Variants in FMN1 observed in about 807,000 individuals in gnomAD.
FMN1 encodes the protein formin 1, also known as formin-1.
Under a neutral mutation model 132.4 loss-of-function variants are expected in FMN1, and 110 were observed. That is an observed-to-expected ratio of 0.83 (90% confidence interval 0.71 to 0.97). FMN1 has a LOEUF of 0.97. Ranked by LOEUF, FMN1 falls within the 50% of genes least tolerant of loss-of-function variation. The probability of loss-of-function intolerance (pLI) is 0.00; values close to 1 mark genes in which losing one functional copy is unlikely to be tolerated. For synonymous variants in FMN1, 722 were observed against 651.7 expected, an observed-to-expected ratio of 1.11 and a Z score of -1.64; for missense variants, 1,792 against 1,705.3, an observed-to-expected ratio of 1.05 and a Z score of -0.90.
At chr15:32,872,168 A>G (rs1371932733) in intron 16 of FMN1, among the ~76,000 whole-genome samples, 1 of 152,150 alleles carries the variant, frequency 6.6e-6, no homozygotes, top group Non-Finnish European at 1.5e-5. Context: ...AAACACTCAG[A>G]GTTTTGTAAT....
intron 9 of FMN1, among the ~76,000 whole-genome samples, chr15:32,941,139 G>A (rs567537756): frequency 1.2e-4 from 19 of 152,248 alleles, no homozygotes; most frequent in Non-Finnish European, 2.1e-4. Context: ...CCATGTTTAC[G>A]TGAAGCCAGT....
chr15:33,132,506 C>G (rs1483563566), intron 4 of FMN1, among the ~76,000 whole-genome samples: 10 of 152,156 alleles, frequency 6.6e-5, no homozygotes, highest in Admixed American at 6.5e-4. Context: ...GAGCCTCAGA[C>G]CAGAGCTGAT....
rs778730415 is a variant in FMN1 at position 32,969,027 on chromosome 15, G to A, written c.2674C>T (p.Pro892Ser). The change falls in exon 8 of 21, where the codon CCT becomes TCT. Residue 892 changes from proline to serine, a missense_variant. Pro to Ser is a moderately conservative substitution (Grantham distance 74). Transcript: ENST00000616417. Reference sequence around the variant, plus strand: ...CCAGCACTCACAGGTGGCATTGGAGGTGCGGGAGACAAAGATCCAAGTCCT... The same window carrying A: ...CCAGCACTCACAGGTGGCATTGGAGATGCGGGAGACAAAGATCCAAGTCCT... ...PSGLGSLSPA[P>S]PMPPVSAGPP... The A allele has an allele frequency of 2.2e-6, 3 of 1,385,722 alleles. No homozygotes were observed. Among genetic ancestry groups the A allele is most frequent in the Non-Finnish European group, 3.0e-6 (3 of 1,009,354 alleles). 85.8% of individuals were successfully genotyped at this position (1,385,722 alleles called of 1,614,324 possible).
intron 4 of FMN1, among the ~76,000 whole-genome samples, chr15:33,094,804 T>C (rs2039019985): frequency 6.6e-6 from 1 of 152,168 alleles, no homozygotes; most frequent in African/African-American, 2.4e-5. Context: ...ACTAGGAAAC[T>C]TATGTGTGGC....
intron 5 of FMN1, among the ~76,000 whole-genome samples, chr15:33,071,378 T>A (rs2037993482): frequency 6.6e-6 from 1 of 152,342 alleles, no homozygotes; most frequent in South Asian, 2.1e-4. Context: ...AGTTTGCCCC[T>A]ACCATTCTCC....
At position 33,167,059 on chromosome 15, in the gene FMN1, A is replaced by G. The variant is rs183299686; in HGVS notation, c.-131-12014T>C. Reference sequence around the variant, plus strand: ...ATTTAGGTGAGGTAATGAAATGAGTAGATTCATACTTGGTTAAGAAGGAGA... The same window carrying G: ...ATTTAGGTGAGGTAATGAAATGAGTGGATTCATACTTGGTTAAGAAGGAGA... On this transcript the variant is annotated intron_variant, in intron 3 of 20. Coordinates refer to ENST00000616417, the MANE Select transcript of FMN1 (RefSeq NM_001277313.2). Among the ~76,000 whole-genome samples, 8 of 152,300 alleles carry G rather than the reference A, an allele frequency of 5.3e-5. No homozygotes were observed. In the East Asian group the frequency reaches 1.5e-3, roughly 29 times the overall value.
intron 3 of FMN1, among the ~76,000 whole-genome samples, chr15:33,160,896 C>T (rs1964862548): frequency 6.6e-6 from 1 of 152,198 alleles, no homozygotes; most frequent in African/African-American, 2.4e-5. Flanking sequence ...AAGTAGATTA[C>T]CTCACTCTAC....
chr15:32,812,628 G>A (rs1276526110), intron 17 of FMN1, among the ~76,000 whole-genome samples: 3 of 152,166 alleles, frequency 2.0e-5, no homozygotes, highest in African/African-American at 2.4e-5. Flanking sequence ...ACGCAGGTGC[G>A]CAACAGACAG....
chr15:33,005,085 T>C (rs2034341559), intron 7 of FMN1, among the ~76,000 whole-genome samples: 1 of 152,050 alleles, frequency 6.6e-6, no homozygotes, highest in Non-Finnish European at 1.5e-5. Flanking sequence ...ATATACCTAA[T>C]GCTAAATGAT....
intron 17 of FMN1, among the ~76,000 whole-genome samples, chr15:32,823,240 C>T (rs1240343242): frequency 1.4e-5 from 2 of 141,500 alleles, no homozygotes; most frequent in Non-Finnish European, 3.0e-5. Flanking sequence ...CGGCTCACTG[C>T]AAGCTCTGCC....
At chr15:32,931,593 G>T (rs1002968007) in intron 9 of FMN1, among the ~76,000 whole-genome samples, 60 of 152,104 alleles carry the variant, frequency 3.9e-4, no homozygotes, top group African/African-American at 1.4e-3. Flanking sequence ...TTCACAGTTT[G>T]CTTTTTTGGG....
intron 17 of FMN1, among the ~76,000 whole-genome samples, chr15:32,811,854 G>T (rs1595981786): frequency 6.6e-6 from 1 of 152,054 alleles, no homozygotes; most frequent in South Asian, 2.1e-4. Flanking sequence ...CGCCATGTTG[G>T]CCAGGCTGGT....
intron 14 of FMN1, 183 bp downstream of exon 14, chr15:32,899,796 A>AC: frequency 1.5e-6 from 1 of 664,116 alleles, no homozygotes; most frequent in Non-Finnish European, 2.5e-6. Context: ...AAAAAAAAAA[A>AC]CCAAACAAAA....
intron 9 of FMN1, among the ~76,000 whole-genome samples, chr15:32,957,857 G>A (rs1231556793): frequency 6.6e-6 from 1 of 152,162 alleles, no homozygotes; most frequent in Non-Finnish European, 1.5e-5. Context: ...AAAAAAATAA[G>A]AGATAGTAGC....
chr15:33,007,694 C>G (rs918182750), intron 7 of FMN1, among the ~76,000 whole-genome samples: 2 of 151,948 alleles, frequency 1.3e-5, no homozygotes, highest in African/African-American at 4.8e-5. Context: ...TTCCATCGTA[C>G]CTAGAAAAAA....
At chr15:33,164,120 A>G (rs922415422) in intron 3 of FMN1, among the ~76,000 whole-genome samples, 4 of 152,194 alleles carry the variant, frequency 2.6e-5, no homozygotes, top group African/African-American at 9.7e-5. Context: ...TTCCTACTCA[A>G]AGACTAAGGA....
chr15:32,908,140 T>C (rs1338768044), intron 12 of FMN1: 1 of 181,738 alleles, frequency 5.5e-6, no homozygotes, highest in Admixed American at 5.6e-5. Flanking sequence ...ATATCATCTT[T>C]TTAACTTCAT....
Position 32,774,162 on chromosome 15 carries a change from A to G in FMN1, c.*148T>C. ...GGACTTCTTAAAGAAGGCATGGGGCACTCTCTGCAGATGACCTCAGAAAGA... is the reference window on the plus strand; with the variant it reads ...GGACTTCTTAAAGAAGGCATGGGGCGCTCTCTGCAGATGACCTCAGAAAGA... On this transcript the variant is annotated 3_prime_UTR_variant, in exon 21 of 21. Transcript: ENST00000616417. 1 of 670,640 alleles carries G rather than the reference A, an allele frequency of 1.5e-6. No homozygotes were observed. The highest frequency in any genetic ancestry group is 2.6e-6 in the Non-Finnish European group (1 of 379,398). The allele number at this position is 670,640 out of a possible 1,614,324, so 41.5% of individuals were successfully genotyped here. A position where few individuals can be genotyped will look rare whatever the true frequency, so the allele number is the denominator to read the frequency against.
intron 17 of FMN1, among the ~76,000 whole-genome samples, chr15:32,834,340 C>G (rs939639720): frequency 1.3e-5 from 2 of 152,194 alleles, no homozygotes; most frequent in African/African-American, 4.8e-5. Context: ...TGGAACAGAA[C>G]TTGGTCTCCC....
Sources: allele counts gnomAD v4.1 joint callset (sites outside exome capture counted in the v4.1 genomes callset), GRCh38; gene constraint gnomAD v4.1.1; transcripts MANE v1.5; gene names NCBI Gene and HGNC (gene_info 2026-07-23, HGNC 2026-07-21).